DACH2: variants seen among roughly 807,000 people sequenced by gnomAD.
The protein encoded by DACH2 is dachshund homolog 2.
A neutral mutation model predicts 35.8 loss-of-function variants in DACH2; 17 were observed. That is an observed-to-expected ratio of 0.48 (90% CI 0.33 to 0.71). The LOEUF is 0.71. Ranked by LOEUF, DACH2 falls within the 30% of genes least tolerant of loss-of-function variation. The pLI, the probability that DACH2 is intolerant of heterozygous loss-of-function variation, is 0.02. For synonymous variants in DACH2, 195 were observed against 177.3 expected, an observed-to-expected ratio of 1.10 and a Z score of -0.79; for missense variants, 469 against 472.7, an observed-to-expected ratio of 0.99 and a Z score of 0.07.
At chrX:86,210,596 A>T (rs759046413) in intron 1 of DACH2, among the ~76,000 whole-genome samples, 1 of 112,031 alleles carries the variant, frequency 8.9e-6, no homozygotes, top group South Asian at 3.6e-4. Context: ...AGAAACACTG[A>T]CATCAGCTCA....
intron 1 of DACH2, among the ~76,000 whole-genome samples, chrX:86,300,085 T>C (rs972965508): frequency 7.2e-5 from 8 of 111,375 alleles, no homozygotes; most frequent in Non-Finnish European, 1.3e-4. Context: ...ATACAATACA[T>C]TGTTGTTAAC....
At chrX:86,623,659 G>T (rs1232509521) in intron 3 of DACH2, among the ~76,000 whole-genome samples, 1 of 111,733 alleles carries the variant, frequency 8.9e-6, no homozygotes, top group Non-Finnish European at 1.9e-5. Flanking sequence ...TCACTATTAA[G>T]AGAATATAAC....
chrX:86,715,110 T>C (rs913781249), intron 6 of DACH2, among the ~76,000 whole-genome samples: 6 of 111,348 alleles, frequency 5.4e-5, no homozygotes, highest in Non-Finnish European at 9.4e-5. Flanking sequence ...ACAGGACTTA[T>C]AGTCAGACAG....
intron 1 of DACH2, among the ~76,000 whole-genome samples, chrX:86,212,045 A>G (rs1297823095): frequency 1.8e-5 from 2 of 111,763 alleles, no homozygotes; most frequent in African/African-American, 6.5e-5. Flanking sequence ...ATTGAATGGT[A>G]TTTATATGTA....
intron 2 of DACH2, among the ~76,000 whole-genome samples, chrX:86,401,371 ACTGCACCCACTGTC>A (rs2036426114): frequency 1.8e-5 from 2 of 111,468 alleles, no homozygotes; most frequent in South Asian, 3.8e-4. Flanking sequence ...TGCACGGTGC[ACTGCACCCACTGTC>A]CTGCACCCAC....
chrX:86,156,597 T>TATGAC (rs2030555209), intron 1 of DACH2, among the ~76,000 whole-genome samples: 1 of 111,508 alleles, frequency 9.0e-6, no homozygotes, highest in Admixed American at 9.5e-5. Flanking sequence ...TCAAAGCAAG[T>TATGAC]ATGACTTCTT....
intron 1 of DACH2, among the ~76,000 whole-genome samples, chrX:86,374,789 C>T (rs1237671623): frequency 9.0e-6 from 1 of 110,530 alleles, no homozygotes; most frequent in African/African-American, 3.3e-5. Flanking sequence ...GAATGCAAAA[C>T]ATTTTGGGCC....
chrX:86,460,459 G>C (rs1385158858), intron 2 of DACH2, among the ~76,000 whole-genome samples: 1 of 110,267 alleles, frequency 9.1e-6, no homozygotes, highest in Non-Finnish European at 1.9e-5. Context: ...TACACTACAG[G>C]TCAAATTTCA....
chrX:86,371,369 C>G (rs1012204965), intron 1 of DACH2, among the ~76,000 whole-genome samples: 1 of 110,516 alleles, frequency 9.0e-6, no homozygotes, highest in African/African-American at 3.3e-5. Flanking sequence ...TTATCAGAAG[C>G]AGCAAATACT....
At chrX:86,800,052 T>C (rs190940286) in intron 7 of DACH2, among the ~76,000 whole-genome samples, 2 of 112,298 alleles carry the variant, frequency 1.8e-5, no homozygotes, top group East Asian at 5.6e-4. Context: ...GGCAGACTCA[T>C]AGGAAATAAG....
At chrX:86,820,925 G>C (rs1376329150) in intron 11 of DACH2, among the ~76,000 whole-genome samples, 1 of 110,524 alleles carries the variant, frequency 9.0e-6, no homozygotes, top group African/African-American at 3.3e-5. Context: ...ACTACCCTTG[G>C]AATAGGATTA....
In DACH2 at chrX:86,599,425, T is replaced by C. The variant is rs181610701; in HGVS notation, c.641-51611T>C. On this transcript the variant is annotated intron_variant, in intron 3 of 11. Coordinates refer to ENST00000373125, the MANE Select transcript of DACH2 (RefSeq NM_053281.3). ...TTTTCTTCTTTCTTTTTCTTTTTTC[T>C]TTCTCTTCCTCTCTCTTTCTTTCCC... Among the ~76,000 whole-genome samples, 11 of 109,832 alleles carry C rather than the reference T, an allele frequency of 1.0e-4. No homozygotes were observed. In the East Asian group the frequency reaches 2.9e-3, roughly 29 times the overall value.
At chrX:86,813,064 T>G in intron 8 of DACH2, 60 bp downstream of exon 8, 1 of 1,142,221 alleles carries the variant, frequency 8.8e-7, no homozygotes, top group Middle Eastern at 2.4e-4. Context: ...CCTACATATA[T>G]TATTTTATAT....
At chrX:86,286,101 C>A (rs763833657) in intron 1 of DACH2, among the ~76,000 whole-genome samples, 1 of 103,097 alleles carries the variant, frequency 9.7e-6, no homozygotes, top group Non-Finnish European at 2.0e-5. Flanking sequence ...TTCTTCCATC[C>A]ATTCAGCCAG....
At chrX:86,299,026 C>G (rs865909163) in intron 1 of DACH2, among the ~76,000 whole-genome samples, 1 of 111,903 alleles carries the variant, frequency 8.9e-6, no homozygotes, top group Admixed American at 9.5e-5. Flanking sequence ...CCATAGTCAA[C>G]TTGCATTATT....
chrX:86,294,062 A>C (rs1309436373), intron 1 of DACH2, among the ~76,000 whole-genome samples: 1 of 111,694 alleles, frequency 9.0e-6, no homozygotes, highest in African/African-American at 3.3e-5. Context: ...CAGGTACACC[A>C]ATCAGATGTA....
At chrX:86,800,113 A>C (rs1472908908) in intron 7 of DACH2, among the ~76,000 whole-genome samples, 1 of 112,444 alleles carries the variant, frequency 8.9e-6, no homozygotes, top group African/African-American at 3.2e-5. Flanking sequence ...ATAATCATTT[A>C]CGTTCAACTG....
chrX:86,378,035 T>TC (rs1382528585), intron 2 of DACH2, among the ~76,000 whole-genome samples: 1 of 110,260 alleles, frequency 9.1e-6, no homozygotes, highest in East Asian at 2.9e-4. Context: ...TGGATTATGT[T>TC]TTGAGTCTAG....
chrX:86,563,527 T>C (rs1487915228), intron 3 of DACH2, among the ~76,000 whole-genome samples: 1 of 110,878 alleles, frequency 9.0e-6, no homozygotes, highest in African/African-American at 3.3e-5. Flanking sequence ...AAGGGAAAGA[T>C]TTCAGACTAT....
Sources: gnomAD v4.1 joint callset for allele counts (sites outside exome capture counted in the v4.1 genomes callset) on GRCh38, gnomAD v4.1.1 for gene constraint, MANE v1.5 for transcripts, NCBI Gene and HGNC (gene_info 2026-07-23, HGNC 2026-07-21) for gene names.